Variants in PTPRT observed in about 807,000 individuals in gnomAD.
The protein encoded by PTPRT is receptor-type tyrosine-protein phosphatase T.
Under a neutral mutation model 176.8 loss-of-function variants are expected in PTPRT, and 56 were observed. That is an observed-to-expected ratio of 0.32 (90% CI 0.26 to 0.40). The LOEUF (loss-of-function observed/expected upper bound fraction) is 0.40, where lower values mean the gene tolerates loss of function less well. PTPRT is among the 10% of genes least tolerant of loss of function. The probability of loss-of-function intolerance (pLI) is 1.00; values close to 1 mark genes in which losing one functional copy is unlikely to be tolerated. For missense variants in PTPRT, 1,540 were observed against 1,908.2 expected, an observed-to-expected ratio of 0.81 and a Z score of 3.60; for synonymous variants, 783 against 739.0, an observed-to-expected ratio of 1.06 and a Z score of -0.96.
At chr20:42,746,598 C>G (rs1221071073) in intron 6 of PTPRT, among the ~76,000 whole-genome samples, 1 of 151,084 alleles carries the variant, frequency 6.6e-6, no homozygotes, top group Admixed American at 6.6e-5. Flanking sequence ...GATTTGCTAT[C>G]TATGTGTTCT....
At chr20:42,678,286 T>A in intron 6 of PTPRT, 127 bp from the exon 7 acceptor site, 2 of 854,748 alleles carry the variant, frequency 2.3e-6, no homozygotes, top group South Asian at 2.2e-5. Flanking sequence ...AACCCCTTTT[T>A]GTTTTATTTT....
intron 19 of PTPRT, among the ~76,000 whole-genome samples, chr20:42,125,279 T>C (rs1255199911): frequency 1.3e-5 from 2 of 152,230 alleles, no homozygotes; most frequent in Non-Finnish European, 2.9e-5. Flanking sequence ...ACATCAGTAA[T>C]TGCACACTTG....
intron 5 of PTPRT, among the ~76,000 whole-genome samples, chr20:42,763,680 T>C (rs2076946114): frequency 6.6e-6 from 1 of 152,216 alleles, no homozygotes; most frequent in Non-Finnish European, 1.5e-5. Flanking sequence ...ATCTAGCCCA[T>C]TGATTCTCTT....
chr20:42,918,749 C>T (rs1016626464), intron 1 of PTPRT, among the ~76,000 whole-genome samples: 6 of 152,140 alleles, frequency 3.9e-5, no homozygotes, highest in African/African-American at 1.4e-4. Flanking sequence ...ATGAGGCATG[C>T]TGCAATCAGG....
At chr20:42,626,142 A>C (rs1014334369) in intron 7 of PTPRT, among the ~76,000 whole-genome samples, 1 of 152,090 alleles carries the variant, frequency 6.6e-6, no homozygotes, top group Non-Finnish European at 1.5e-5. Context: ...AATTCACATA[A>C]AAGTCAAATT....
chr20:42,486,894 G>A (rs2071473303), intron 7 of PTPRT, among the ~76,000 whole-genome samples: 1 of 152,128 alleles, frequency 6.6e-6, no homozygotes, highest in African/African-American at 2.4e-5. Context: ...CATATTGAGA[G>A]AGCAAGTCAC....
intron 2 of PTPRT, among the ~76,000 whole-genome samples, chr20:42,792,766 G>T (rs1331841645): frequency 6.6e-6 from 1 of 152,130 alleles, no homozygotes; most frequent in Non-Finnish European, 1.5e-5. Flanking sequence ...ATACCAAAAA[G>T]ACTAACAGCT....
intron 7 of PTPRT, among the ~76,000 whole-genome samples, chr20:42,564,725 T>C (rs948558148): frequency 1.3e-5 from 2 of 152,166 alleles, no homozygotes; most frequent in Non-Finnish European, 2.9e-5. Context: ...ACCTGCACGT[T>C]CTGCACATGT....
intron 2 of PTPRT, among the ~76,000 whole-genome samples, chr20:42,808,491 C>T (rs1189095265): frequency 6.6e-6 from 1 of 152,062 alleles, no homozygotes; most frequent in Non-Finnish European, 1.5e-5. Flanking sequence ...GGTGTCCTGG[C>T]CTGACTGGTG....
chr20:42,807,043 C>A (rs961708168), intron 2 of PTPRT, among the ~76,000 whole-genome samples: 7 of 152,108 alleles, frequency 4.6e-5, no homozygotes, highest in African/African-American at 1.2e-4. Context: ...TAATTTTTGC[C>A]CTGTTGTATT....
chr20:42,952,048 T>C (rs943663505), intron 1 of PTPRT, among the ~76,000 whole-genome samples: 4 of 152,146 alleles, frequency 2.6e-5, no homozygotes, highest in African/African-American at 9.7e-5. Context: ...TAAATGCTAT[T>C]AGGGTTAAAC....
intron 9 of PTPRT, among the ~76,000 whole-genome samples, chr20:42,421,605 A>G (rs1385463628): frequency 2.0e-5 from 3 of 152,082 alleles, no homozygotes; most frequent in Non-Finnish European, 4.4e-5. Flanking sequence ...AGACGAGTCA[A>G]TATCATTAAA....
At chr20:42,244,351 C>T (rs2056410931) in intron 14 of PTPRT, among the ~76,000 whole-genome samples, 1 of 152,156 alleles carries the variant, frequency 6.6e-6, no homozygotes, top group South Asian at 2.1e-4. Context: ...ACTCCAAATA[C>T]ACTCTTGGAA....
At chr20:42,860,621 A>C (rs2078644688) in intron 2 of PTPRT, among the ~76,000 whole-genome samples, 1 of 152,188 alleles carries the variant, frequency 6.6e-6, no homozygotes, top group South Asian at 2.1e-4. Context: ...TCAGGCTTTT[A>C]TATTTGTTGC....
chr20:42,550,113 C>G (rs2072741598), intron 7 of PTPRT, among the ~76,000 whole-genome samples: 1 of 152,122 alleles, frequency 6.6e-6, no homozygotes, highest in Non-Finnish European at 1.5e-5. Context: ...GCTTTGTCTT[C>G]TGTACGCCCC....
intron 1 of PTPRT, among the ~76,000 whole-genome samples, chr20:43,188,764 T>TGGG (rs2015463104): frequency 2.0e-5 from 1 of 49,940 alleles, no homozygotes; most frequent in Non-Finnish European, 4.4e-5. Flanking sequence ...GGGGGGGGGC[T>TGGG]CGGGGGTGGA....
At chr20:42,451,934 C>T (rs1175679711) in intron 8 of PTPRT, among the ~76,000 whole-genome samples, 2 of 152,096 alleles carry the variant, frequency 1.3e-5, no homozygotes, top group African/African-American at 2.4e-5. Flanking sequence ...TAATGACTCT[C>T]TTAAAGACAA....
At chr20:42,627,049 T>C (rs1050807987) in intron 7 of PTPRT, among the ~76,000 whole-genome samples, 2 of 152,194 alleles carry the variant, frequency 1.3e-5, no homozygotes, top group Admixed American at 1.3e-4. Flanking sequence ...CTTTTTTTTG[T>C]CTGAATAATG....
intron 1 of PTPRT, among the ~76,000 whole-genome samples, chr20:42,979,365 C>G (rs1039363699): frequency 6.6e-6 from 1 of 152,108 alleles, no homozygotes; most frequent in African/African-American, 2.4e-5. Flanking sequence ...TTTTTACTTA[C>G]AAATGTTTAT....
Sources: allele counts gnomAD v4.1 joint callset (sites outside exome capture counted in the v4.1 genomes callset), GRCh38; gene constraint gnomAD v4.1.1; transcripts MANE v1.5; gene names NCBI Gene and HGNC (gene_info 2026-07-23, HGNC 2026-07-21).